PLD5: variants seen among roughly 807,000 people sequenced by gnomAD.
The protein encoded by PLD5 is inactive phospholipase D5.
PLD5 carries 36 observed loss-of-function variants against 61.1 expected under a neutral mutation model. The ratio of observed to expected loss-of-function variants is 0.59; its 90% CI spans 0.45 to 0.78. The LOEUF (loss-of-function observed/expected upper bound fraction) is 0.78. PLD5 is among the 30% of genes least tolerant of loss of function. The pLI is 0.00. For synonymous variants in PLD5, 243 were observed against 242.8 expected (o/e 1.00, Z -0.01); for missense variants, 515 against 644.4 (o/e 0.80, Z 2.17).
intron 1 of PLD5, among the ~76,000 whole-genome samples, chr1:242,427,942 A>G (rs1370694527): frequency 6.6e-6 from 1 of 152,230 alleles, no homozygotes; most frequent in Non-Finnish European, 1.5e-5. Context: ...AGCTGTAGAG[A>G]TGGTAGGACC....
intron 6 of PLD5, among the ~76,000 whole-genome samples, chr1:242,116,509 C>A (rs1327163420): frequency 6.6e-6 from 1 of 152,076 alleles, no homozygotes; most frequent in Admixed American, 6.6e-5. Flanking sequence ...ACAACTGATC[C>A]CGTCACCCAG....
intron 1 of PLD5, among the ~76,000 whole-genome samples, chr1:242,481,073 G>A (rs1667758132): frequency 1.3e-5 from 2 of 152,066 alleles, no homozygotes. Flanking sequence ...AAAGACTTCT[G>A]GGGGTTGGAG....
At chr1:242,244,956 C>T (rs915369751) in intron 4 of PLD5, among the ~76,000 whole-genome samples, 15 of 152,250 alleles carry the variant, frequency 9.9e-5, no homozygotes, top group East Asian at 1.9e-4. Flanking sequence ...TTATGACTTC[C>T]GAAATGTTAT....
rs1346650800 is a variant in PLD5 at position 242,256,071 on chromosome 1, T to A, written c.607+9266A>T. 6.6e-6 allele frequency among the ~76,000 whole-genome samples: 1 copy of A among 152,180 alleles called. No homozygotes were observed. The highest frequency in any genetic ancestry group is 1.5e-5 in the Non-Finnish European group (1 of 68,038). ...CTAATATGGGTAAGGCTCTGTCTAA[T>A]TGGCTCACTTACTTGCTATATAGTG... On this transcript the variant is annotated intron_variant, in intron 4 of 9. Coordinates refer to ENST00000536534, the MANE Select transcript of PLD5 (RefSeq NM_001372062.1). This position sits in a 1 kb window ranked among gnomAD's most constrained non-coding sequence, Gnocchi z 5.7.
At chr1:242,481,805 C>G (rs1667787177) in intron 1 of PLD5, among the ~76,000 whole-genome samples, 1 of 152,180 alleles carries the variant, frequency 6.6e-6, no homozygotes, top group Non-Finnish European at 1.5e-5. Flanking sequence ...TGAGAGGCAC[C>G]CCCTAGTAGG....
chr1:242,331,343 T>C (rs959134360), intron 2 of PLD5, among the ~76,000 whole-genome samples: 3 of 152,170 alleles, frequency 2.0e-5, no homozygotes, highest in South Asian at 2.1e-4. Context: ...GGATTAAACA[T>C]GGAATAAGAA....
chr1:242,432,256 T>C (rs1001723636), intron 1 of PLD5, among the ~76,000 whole-genome samples: 1 of 152,160 alleles, frequency 6.6e-6, no homozygotes, highest in South Asian at 2.1e-4. Context: ...CTGGGTAGGA[T>C]AGGAAGAAGG....
At chr1:242,415,678 A>T (rs949067139) in intron 1 of PLD5, among the ~76,000 whole-genome samples, 9 of 151,880 alleles carry the variant, frequency 5.9e-5, no homozygotes, top group African/African-American at 2.2e-4. Context: ...ACGCCCGGCC[A>T]AATTTTTTGT....
At chr1:242,216,209 G>C (rs184126448) in intron 5 of PLD5, among the ~76,000 whole-genome samples, 186 of 152,066 alleles carry the variant, frequency 1.2e-3, no homozygotes, top group African/African-American at 4.4e-3. Context: ...CGCCTTGCCC[G>C]ACAGACCTGT....
chr1:242,436,346 T>C (rs1426415900), intron 1 of PLD5, among the ~76,000 whole-genome samples: 1 of 152,178 alleles, frequency 6.6e-6, no homozygotes, highest in African/African-American at 2.4e-5. Context: ...AAAAAATCCA[T>C]TCAGAATTGC....
In PLD5 at chr1:242,316,112, T is replaced by C. The variant is rs189302641; in HGVS notation, c.327-27582A>G. Among the ~76,000 whole-genome samples the C allele has an allele frequency of 2.5e-3, 378 of 152,276 alleles. 2 individuals are homozygous for C. Among genetic ancestry groups the C allele is most frequent in the African/African-American group, 8.9e-3 (370 of 41,532 alleles). On this transcript the variant is annotated intron_variant, in intron 2 of 9. Coordinates refer to ENST00000536534, the MANE Select transcript of PLD5 (RefSeq NM_001372062.1). ...TATTCCACAGGATTTATGTAAGGAG[T>C]AAATGCCACAATAAATGTAAAGTGC...
chr1:242,494,072 TC>T (rs1335611207), intron 1 of PLD5, among the ~76,000 whole-genome samples: 1 of 102,610 alleles, frequency 9.7e-6, no homozygotes, highest in African/African-American at 3.8e-5. Context: ...TTCCCTCCAC[TC>T]CCCTCCCCTG....
At chr1:242,469,312 A>G (rs958277619) in intron 1 of PLD5, among the ~76,000 whole-genome samples, 1 of 152,124 alleles carries the variant, frequency 6.6e-6, no homozygotes, top group Non-Finnish European at 1.5e-5. Flanking sequence ...GATGTTACCA[A>G]TCATTTTTCT....
At chr1:242,213,623 C>T (rs931364627) in intron 5 of PLD5, among the ~76,000 whole-genome samples, 7 of 151,896 alleles carry the variant, frequency 4.6e-5, no homozygotes, top group Non-Finnish European at 7.4e-5. Flanking sequence ...GGCATTCCGA[C>T]TTATAAGCTG....
At chr1:242,380,845 G>A (rs924693724) in intron 1 of PLD5, among the ~76,000 whole-genome samples, 15 of 152,184 alleles carry the variant, frequency 9.9e-5, no homozygotes, top group African/African-American at 3.6e-4. Context: ...AAACCACAAT[G>A]AGATGTCATC....
chr1:242,422,246 G>A (rs1665185502), intron 1 of PLD5, among the ~76,000 whole-genome samples: 1 of 152,168 alleles, frequency 6.6e-6, no homozygotes, highest in East Asian at 1.9e-4. Context: ...GAGAACATCT[G>A]TTCCAAAGCA....
intron 1 of PLD5, among the ~76,000 whole-genome samples, chr1:242,516,401 C>G (rs961981417): frequency 2.0e-5 from 3 of 151,808 alleles, no homozygotes; most frequent in Non-Finnish European, 4.4e-5. Context: ...ATTAAAACTG[C>G]TTCAAAATTT....
chr1:242,182,849 AT>A (rs1178608456), intron 5 of PLD5, among the ~76,000 whole-genome samples: 3 of 152,176 alleles, frequency 2.0e-5, no homozygotes, highest in African/African-American at 7.2e-5. Flanking sequence ...TCTCAAAAAA[AT>A]AAAACGAATA....
At chr1:242,175,200 C>T (rs1667048398) in intron 5 of PLD5, among the ~76,000 whole-genome samples, 1 of 152,134 alleles carries the variant, frequency 6.6e-6, no homozygotes, top group Non-Finnish European at 1.5e-5. Context: ...TGAAAATCCT[C>T]AATAAAATAC....
Sources: gnomAD v4.1 joint callset for allele counts (sites outside exome capture counted in the v4.1 genomes callset) on GRCh38, gnomAD v4.1.1 for gene constraint, Gnocchi (gnomAD v3.1) non-coding constraint, MANE v1.5 for transcripts, NCBI Gene and HGNC (gene_info 2026-07-23, HGNC 2026-07-21) for gene names.